Variants in OC90 observed in about 807,000 individuals in gnomAD.
OC90 encodes the protein otoconin-90.
OC90 carries 46 observed loss-of-function variants against 47.3 expected under a neutral mutation model. The observed-to-expected ratio is 0.97, with a 90% CI of 0.77 to 1.24. The LOEUF (loss-of-function observed/expected upper bound fraction) is 1.24. Ranked by LOEUF, OC90 falls within the 50% of genes most tolerant of loss-of-function variation. OC90 has a pLI of 0.00. For synonymous variants in OC90, 271 were observed against 219.5 expected, an observed-to-expected ratio of 1.23 and a Z score of -2.07; for missense variants, 688 against 583.9, an observed-to-expected ratio of 1.18 and a Z score of -1.84.
At chr8:132,047,635 T>TA (rs11436374) in intron 2 of OC90, among the ~76,000 whole-genome samples, 54,974 of 151,954 alleles carry the variant, frequency 0.36, 10,201 homozygotes, top group East Asian at 0.47. Context: ...TGGGAGATTT[T>TA]AAAAAAATAA....
chr8:132,044,139 A>T (rs1328755321), intron 4 of OC90, among the ~76,000 whole-genome samples: 2 of 152,076 alleles, frequency 1.3e-5, no homozygotes, highest in Non-Finnish European at 2.9e-5. Flanking sequence ...AAGTCACTCA[A>T]CTCCCTTCGG....
chr8:132,041,701 T>TTGG lies in OC90; in HGVS notation c.170-3_170-2insCCA. The stretch of plus-strand genomic sequence containing the variant: ...AGGTGAAGTGGGGGCCCAGGCAATC[T>TTGG]GTGGGGGTGGGGGGCAGGGCCTGAT... On this transcript the variant is annotated splice_region_variant and splice_polypyrimidine_tract_variant and intron_variant, in intron 4 of 13. Transcript: ENST00000254627. 9.8e-7 allele frequency: 1 copy of TTGG among 1,023,200 alleles called. No individual in the cohort carries two copies. The highest frequency in any genetic ancestry group is 1.4e-6 in the Non-Finnish European group (1 of 708,252). 63.4% of individuals were successfully genotyped at this position (1,023,200 alleles called of 1,614,324 possible). A position where few individuals can be genotyped will look rare whatever the true frequency, so the allele number is the denominator to read the frequency against.
chr8:132,044,597 G>A, intron 3 of OC90, 108 bp from the exon 4 acceptor site: 3 of 673,158 alleles, frequency 4.5e-6, no homozygotes, highest in African/African-American at 1.8e-5. Context: ...ATTCTCCAAA[G>A]AAAAAATTGA....
chr8:132,055,150 CT>C, intron 1 of OC90, 77 bp from the exon 2 acceptor site: 1 of 755,438 alleles, frequency 1.3e-6, no homozygotes, highest in Non-Finnish European at 2.2e-6. Context: ...CCCCCATGTC[CT>C]TTCTTGGTCC....
chr8:132,041,766 C>T, intron 4 of OC90, 67 bp from the exon 5 acceptor site: 1 of 909,958 alleles, frequency 1.1e-6, no homozygotes, highest in Middle Eastern at 2.7e-4. Flanking sequence ...TCCCTGTCCC[C>T]TGGACTTCCT....
intron 10 of OC90, among the ~76,000 whole-genome samples, chr8:132,033,631 A>G (rs768385504): frequency 2.6e-5 from 4 of 152,168 alleles, no homozygotes; most frequent in African/African-American, 4.8e-5. Context: ...TTATTTACAG[A>G]ATCCAGTGCA....
chr8:132,048,974 G>A lies in OC90; in HGVS notation c.47-3091C>T, dbSNP rs572550334. ...GGAGCCTGCTCTTCCACCTGCTAAA[G>A]GTGTCTGTGTCCCCAGAGGTAATTC... is the stretch of plus-strand genomic sequence containing the variant. On this transcript the variant is annotated intron_variant, in intron 2 of 13. Transcript: ENST00000254627. 9.2e-5 allele frequency among the ~76,000 whole-genome samples: 14 copies of A among 151,696 alleles called. 2 individuals are homozygous for A. Among genetic ancestry groups the A allele is most frequent in the African/African-American group, 3.4e-4 (14 of 40,966 alleles).
intron 13 of OC90, among the ~76,000 whole-genome samples, chr8:132,025,851 C>G (rs1586704266): frequency 6.6e-6 from 1 of 152,160 alleles, no homozygotes; most frequent in Admixed American, 6.5e-5. Context: ...GACAGAGAAC[C>G]CTGCTGACAG....
chr8:132,034,360 A>G (rs1451322143), intron 10 of OC90, among the ~76,000 whole-genome samples: 1 of 152,230 alleles, frequency 6.6e-6, no homozygotes, highest in African/African-American at 2.4e-5. Context: ...AATAGTCAGT[A>G]GTAGCTATCA....
At chr8:132,046,160 T>C (rs1823130696) in intron 2 of OC90, among the ~76,000 whole-genome samples, 1 of 152,136 alleles carries the variant, frequency 6.6e-6, no homozygotes, top group Admixed American at 6.5e-5. Context: ...CTTGAAGCCG[T>C]CTTTGTGTAT....
rs769509347 is a variant in OC90 at position 132,034,778 on chromosome 8, TA to T, written c.733+2del. Reference sequence around the variant, plus strand: ...ATAGGCAGGTGGAGCCCAGTAGGCTTACCTGGAGGGGACGTAGCCCTAGCAG... The same window carrying T: ...ATAGGCAGGTGGAGCCCAGTAGGCTTCCTGGAGGGGACGTAGCCCTAGCAG... On this transcript the variant is annotated splice_donor_variant, in intron 10 of 13. Transcript: ENST00000254627. LOFTEE classifies it high-confidence loss of function. 82 of 1,607,014 alleles carry T rather than the reference TA, an allele frequency of 5.1e-5. No individual in the cohort carries two copies. Among genetic ancestry groups the T allele is most frequent in the Non-Finnish European group, 5.7e-5 (67 of 1,174,500 alleles).
chr8:132,024,449 T>C lies in OC90; in HGVS notation c.*32A>G. On this transcript the variant is annotated 3_prime_UTR_variant, in exon 14 of 14. Coordinates refer to ENST00000254627, the MANE Select transcript of OC90 (RefSeq NM_001080399.3). Reference sequence around the variant, plus strand: ...GCTGAAGGTGGAGCAGGAGCCACGCTACTGAAGGTGTTAGCCATTTTCTCT... The same window carrying C: ...GCTGAAGGTGGAGCAGGAGCCACGCCACTGAAGGTGTTAGCCATTTTCTCT... 6.7e-7 allele frequency: 1 copy of C among 1,494,834 alleles called. No homozygotes were observed. Among genetic ancestry groups the C allele is most frequent in the African/African-American group, 1.4e-5 (1 of 71,396 alleles). 92.6% of individuals were successfully genotyped at this position (1,494,834 alleles called of 1,614,324 possible).
intron 1 of OC90, among the ~76,000 whole-genome samples, chr8:132,055,588 A>G (rs1823270840): frequency 6.6e-6 from 1 of 152,244 alleles, no homozygotes; most frequent in Admixed American, 6.5e-5. Flanking sequence ...GAACCTTTCA[A>G]CGATCACTTG....
chr8:132,036,565 A>G lies in OC90; in HGVS notation c.679+873T>C, dbSNP rs926365967. 4 of 647,546 alleles carry G rather than the reference A, an allele frequency of 6.2e-6. No individual in the cohort carries two copies. In the African/African-American group the frequency reaches 7.1e-5, roughly 12 times the overall value. 40.1% of individuals were successfully genotyped at this position (647,546 alleles called of 1,614,324 possible). On this transcript the variant is annotated intron_variant, in intron 9 of 13. Transcript: ENST00000254627. ...ATATGGCTGCACAATGGTGTTCACC[A>G]AGGTCTCAATTCAGTAGGAAAGGGG...
At chr8:132,037,607 G>C in intron 8 of OC90, 119 bp from the exon 9 acceptor site, 1 of 823,392 alleles carries the variant, frequency 1.2e-6, no homozygotes, top group Non-Finnish European at 2.0e-6. Context: ...GGCTGAGAAA[G>C]GGCTTACTAA....
chr8:132,040,947 T>TCGCC, intron 6 of OC90, 97 bp downstream of exon 6: 3 of 771,202 alleles, frequency 3.9e-6, no homozygotes, highest in Admixed American at 1.8e-5. Flanking sequence ...GTGACGATGA[T>TCGCC]GTGAGAGGAT....
chr8:132,055,040 AG>A lies in OC90; in HGVS notation c.-15del, dbSNP rs150127981. 4.5e-3 allele frequency: 7,020 copies of A among 1,550,996 alleles called. 254 individuals carry two copies. In the African/African-American group the frequency reaches 0.081, roughly 18 times the overall value. Reference sequence around the variant, plus strand: ...AAACGCAATCATAGCAGGAGAACAAAGGATGGGGCTTAGGCAGCAACTGGAA... The same window carrying A: ...AAACGCAATCATAGCAGGAGAACAAAGATGGGGCTTAGGCAGCAACTGGAA... On this transcript the variant is annotated 5_prime_UTR_variant, in exon 2 of 14. Transcript: ENST00000254627.
chr8:132,050,847 G>C (rs929623131), intron 2 of OC90, among the ~76,000 whole-genome samples: 4 of 151,990 alleles, frequency 2.6e-5, no homozygotes, highest in Admixed American at 2.6e-4. Context: ...CTAAAAATAC[G>C]AAATAAACTG....
chr8:132,030,180 A>G (rs1822853542), intron 12 of OC90, among the ~76,000 whole-genome samples: 1 of 152,242 alleles, frequency 6.6e-6, no homozygotes, highest in African/African-American at 2.4e-5. Context: ...GATACTTGAT[A>G]TAATACTTAA....
Sources: gnomAD v4.1 joint callset for allele counts (sites outside exome capture counted in the v4.1 genomes callset) on GRCh38, gnomAD v4.1.1 for gene constraint, MANE v1.5 for transcripts, NCBI Gene and HGNC (gene_info 2026-07-23, HGNC 2026-07-21) for gene names.